Variants in UVRAG observed in about 807,000 individuals in gnomAD.
UVRAG encodes the protein UV radiation resistance-associated gene protein.
In UVRAG, 19 loss-of-function variants were observed where a neutral mutation model predicts 78.0. That is an observed-to-expected ratio of 0.24 (90% CI 0.17 to 0.36). UVRAG has a LOEUF of 0.36. Ranked by LOEUF, UVRAG falls within the 10% of genes least tolerant of loss-of-function variation. UVRAG has a pLI of 1.00. For synonymous variants in UVRAG, 323 were observed against 324.6 expected (o/e 1.00, Z 0.05); for missense variants, 740 against 853.8 (o/e 0.87, Z 1.66).
intron 5 of UVRAG, among the ~76,000 whole-genome samples, chr11:75,894,002 T>C (rs1947282913): frequency 6.6e-6 from 1 of 152,144 alleles, no homozygotes; most frequent in Non-Finnish European, 1.5e-5. Context: ...CCTTTACCCA[T>C]GCTGAATGAT....
At chr11:75,972,101 T>A (rs879548731) in intron 7 of UVRAG, among the ~76,000 whole-genome samples, 25 of 152,058 alleles carry the variant, frequency 1.6e-4, no homozygotes, top group Non-Finnish European at 3.1e-4. Context: ...TTTTTTTTTT[T>A]ATGAGAGTTC....
chr11:76,036,007 G>C (rs1347670029), intron 12 of UVRAG, among the ~76,000 whole-genome samples: 2 of 152,198 alleles, frequency 1.3e-5, no homozygotes, highest in Non-Finnish European at 2.9e-5. Flanking sequence ...TTGGTTCATA[G>C]GTGGTTTGGG....
chr11:76,014,074 T>A (rs992511325), intron 11 of UVRAG, among the ~76,000 whole-genome samples: 30 of 152,360 alleles, frequency 2.0e-4, no homozygotes, highest in African/African-American at 7.0e-4. Flanking sequence ...TATTTCTGTG[T>A]GTAGACTTCT....
intron 9 of UVRAG, among the ~76,000 whole-genome samples, chr11:76,007,294 T>G (rs1949962416): frequency 6.6e-6 from 1 of 152,190 alleles, no homozygotes; most frequent in Non-Finnish European, 1.5e-5. Context: ...CAGCCCCCTT[T>G]ACATTTCTTA....
intron 13 of UVRAG, among the ~76,000 whole-genome samples, chr11:76,100,980 G>A (rs1185800061): frequency 2.0e-5 from 3 of 152,102 alleles, no homozygotes; most frequent in Non-Finnish European, 4.4e-5. Context: ...TGGTGTATAT[G>A]TACCACATTT....
chr11:75,917,420 T>C (rs1947880607), intron 6 of UVRAG, among the ~76,000 whole-genome samples: 1 of 152,238 alleles, frequency 6.6e-6, no homozygotes, highest in Admixed American at 6.5e-5. Flanking sequence ...TTACCAATAC[T>C]TCTTGGTTAA....
chr11:76,137,358 G>A (rs1163682614), intron 14 of UVRAG: 1 of 456,196 alleles, frequency 2.2e-6, no homozygotes, highest in Non-Finnish European at 4.4e-6. Flanking sequence ...TGAACATCCT[G>A]TAGTCCCCTT....
intron 4 of UVRAG, among the ~76,000 whole-genome samples, chr11:75,888,424 G>A (rs991541684): frequency 1.3e-5 from 2 of 152,130 alleles, no homozygotes; most frequent in African/African-American, 2.4e-5. Context: ...GAATATAGGC[G>A]TGAGCTACTG....
intron 13 of UVRAG, among the ~76,000 whole-genome samples, chr11:76,102,332 G>A (rs1374687516): frequency 2.0e-5 from 3 of 152,064 alleles, no homozygotes; most frequent in African/African-American, 7.2e-5. Context: ...TATTCTTTTG[G>A]TGGCAATTGT....
At position 75,938,395 on chromosome 11, in the gene UVRAG, T is replaced by C. The variant is rs1287976825; in HGVS notation, c.594-23049T>C. Among the ~76,000 whole-genome samples the C allele has an allele frequency of 3.9e-5, 6 of 152,354 alleles. No homozygotes were observed. The East Asian group carries it at 1.2e-3, about 29-fold the overall frequency. ...TTGTATTTTCCTACTTCTCTGCATATACAGTCATTTTTAATTGGATGTCAG... is the reference window on the plus strand; with the variant it reads ...TTGTATTTTCCTACTTCTCTGCATACACAGTCATTTTTAATTGGATGTCAG... On this transcript the variant is annotated intron_variant, in intron 6 of 14. Coordinates refer to ENST00000356136, the MANE Select transcript of UVRAG (RefSeq NM_003369.4).
intron 7 of UVRAG, among the ~76,000 whole-genome samples, chr11:75,970,069 A>G (rs1264176546): frequency 6.6e-6 from 1 of 152,250 alleles, no homozygotes; most frequent in Non-Finnish European, 1.5e-5. Flanking sequence ...AAAAATGATG[A>G]AAAGTGTATT....
chr11:76,068,299 A>G (rs1951234270), intron 13 of UVRAG, among the ~76,000 whole-genome samples: 1 of 152,108 alleles, frequency 6.6e-6, no homozygotes, highest in Admixed American at 6.5e-5. Context: ...CCACTTCCCA[A>G]GAGGCCTCTG....
intron 8 of UVRAG, among the ~76,000 whole-genome samples, chr11:75,995,666 C>A (rs1340001514): frequency 6.6e-6 from 1 of 151,880 alleles, no homozygotes; most frequent in Non-Finnish European, 1.5e-5. Flanking sequence ...CTATCAAAAG[C>A]TCATAGGTTT....
chr11:76,084,330 G>A (rs1489245675), intron 13 of UVRAG, among the ~76,000 whole-genome samples: 1 of 152,122 alleles, frequency 6.6e-6, no homozygotes, highest in Non-Finnish European at 1.5e-5. Context: ...TATAAAGGCG[G>A]TATTAATATC....
chr11:76,011,833 A>AG (rs747759612), intron 11 of UVRAG, among the ~76,000 whole-genome samples: 13 of 152,204 alleles, frequency 8.5e-5, no homozygotes, highest in Non-Finnish European at 1.8e-4. Context: ...TATTTATTGA[A>AG]TTCATACTCT....
At chr11:75,985,102 T>G (rs2135281646) in intron 8 of UVRAG, among the ~76,000 whole-genome samples, 1 of 152,024 alleles carries the variant, frequency 6.6e-6, no homozygotes, top group African/African-American at 2.4e-5. Context: ...CCAGTTTATC[T>G]CCCCTCTGTC....
chr11:75,916,320 C>G (rs1387034877), intron 6 of UVRAG: 2 of 152,066 alleles, frequency 1.3e-5, no homozygotes, highest in Non-Finnish European at 2.9e-5. Context: ...ATATTTGTCT[C>G]TTCTATTAGG....
At chr11:75,905,876 A>G (rs1011801915) in intron 5 of UVRAG, among the ~76,000 whole-genome samples, 1 of 151,142 alleles carries the variant, frequency 6.6e-6, no homozygotes, top group Non-Finnish European at 1.5e-5. Context: ...TTTTTGAGGA[A>G]CTGCTAAACT....
chr11:75,980,456 G>A (rs1439327009), intron 7 of UVRAG, among the ~76,000 whole-genome samples: 2 of 152,158 alleles, frequency 1.3e-5, no homozygotes, highest in African/African-American at 4.8e-5. Flanking sequence ...ATGTGCCAAT[G>A]TCCAGCCTAA....
Sources: gnomAD v4.1 joint callset for allele counts (sites outside exome capture counted in the v4.1 genomes callset) on GRCh38, gnomAD v4.1.1 for gene constraint, MANE v1.5 for transcripts, NCBI Gene and HGNC (gene_info 2026-07-23, HGNC 2026-07-21) for gene names.